BCL2L11: variants seen among roughly 807,000 people sequenced by gnomAD.
BCL2L11 encodes the protein bcl-2-like protein 11.
A neutral mutation model predicts 20.6 loss-of-function variants in BCL2L11; 15 were observed. The ratio of observed to expected loss-of-function variants is 0.73; its 90% CI spans 0.49 to 1.12. The LOEUF (loss-of-function observed/expected upper bound fraction) is 1.12, where lower values mean the gene tolerates loss of function less well. Among genes scored for constraint, BCL2L11 ranks in the 50% most tolerant of loss-of-function variants. BCL2L11 has a pLI of 0.00. For missense variants in BCL2L11, 292 were observed against 260.9 expected (o/e 1.12, Z -0.82); for synonymous variants, 108 against 92.8 (o/e 1.16, Z -0.94).
chr2:111,135,770 T>C (rs75220216), intron 2 of BCL2L11, among the ~76,000 whole-genome samples: 2,797 of 152,258 alleles, frequency 0.018, 107 homozygotes, highest in African/African-American at 0.064. Flanking sequence ...TGTAATGTCA[T>C]GTCAACTAAC....
At chr2:111,147,209 A>T (rs2076633020) in intron 2 of BCL2L11, among the ~76,000 whole-genome samples, 1 of 152,162 alleles carries the variant, frequency 6.6e-6, no homozygotes, top group South Asian at 2.1e-4. Context: ...AATGCTAAAG[A>T]CACATCTCAG....
At chr2:111,151,839 A>T in intron 3 of BCL2L11, 1 of 1,549,410 alleles carries the variant, frequency 6.5e-7, no homozygotes, top group Non-Finnish European at 8.7e-7. Context: ...AACTCCTGGC[A>T]TCCTCCACCT....
chr2:111,144,666 C>T, intron 2 of BCL2L11: 1 of 1,114,950 alleles, frequency 9.0e-7, no homozygotes, highest in Admixed American at 2.7e-5. Flanking sequence ...TGGAATTTTT[C>T]TTTCTCTAAA....
At chr2:111,144,402 G>C in intron 2 of BCL2L11, 1 of 1,413,236 alleles carries the variant, frequency 7.1e-7, no homozygotes. Context: ...TTATTTCTGA[G>C]AACCGTCAGA....
At chr2:111,128,577 C>T (rs1004289825) in intron 2 of BCL2L11, 1 of 1,474,478 alleles carries the variant, frequency 6.8e-7, no homozygotes, top group Non-Finnish European at 8.9e-7. Flanking sequence ...CACAAGGGTT[C>T]CAGTTTCTCC....
intron 2 of BCL2L11, among the ~76,000 whole-genome samples, chr2:111,127,419 CTTTT>C (rs774187139): frequency 8.0e-6 from 1 of 125,068 alleles, no homozygotes; most frequent in Admixed American, 8.1e-5. Context: ...TAATGGCTTT[CTTTT>C]TTTTTTTTTT....
intron 3 of BCL2L11, among the ~76,000 whole-genome samples, chr2:111,155,275 CT>C (rs1431281245): frequency 6.6e-6 from 1 of 152,196 alleles, no homozygotes; most frequent in Non-Finnish European, 1.5e-5. Flanking sequence ...CCTTCTCTTC[CT>C]GGTGAGTGTG....
intron 2 of BCL2L11, among the ~76,000 whole-genome samples, chr2:111,139,459 C>T (rs895433601): frequency 5.3e-5 from 8 of 152,166 alleles, no homozygotes; most frequent in South Asian, 4.1e-4. Context: ...ATTGGTTGCT[C>T]GTGGATTTAA....
chr2:111,164,327 G>A lies in BCL2L11; in HGVS notation c.*96G>A. The A allele has an allele frequency of 1.1e-6, 1 of 910,254 alleles. No homozygotes were observed. Among genetic ancestry groups the A allele is most frequent in the East Asian group, 2.5e-5 (1 of 40,630 alleles). 56.4% of individuals were successfully genotyped at this position (910,254 alleles called of 1,614,324 possible). A position where few individuals can be genotyped will look rare whatever the true frequency, so the allele number is the denominator to read the frequency against. Reference sequence around the variant, plus strand: ...GGTCTCCTGGTGCCATTATTATGCAGCCAGCGGTTCTCTTGTGGAGGGGGC... The same window carrying A: ...GGTCTCCTGGTGCCATTATTATGCAACCAGCGGTTCTCTTGTGGAGGGGGC... On this transcript the variant is annotated 3_prime_UTR_variant, in exon 4 of 4. Coordinates refer to ENST00000393256, the MANE Select transcript of BCL2L11 (RefSeq NM_138621.5).
At chr2:111,151,217 T>C (rs1437908101) in intron 3 of BCL2L11, among the ~76,000 whole-genome samples, 1 of 152,232 alleles carries the variant, frequency 6.6e-6, no homozygotes, top group African/African-American at 2.4e-5. Context: ...GGAGACATTT[T>C]TAAATGTGTA....
At chr2:111,150,282 CA>C (rs2077093859) in intron 3 of BCL2L11, 135 bp downstream of exon 3, 2 of 1,479,260 alleles carry the variant, frequency 1.4e-6, no homozygotes, top group Non-Finnish European at 1.8e-6. Context: ...TGTGACCTTT[CA>C]TTGTTTCTCC....
chr2:111,122,733 G>C, intron 1 of BCL2L11: 1 of 984,152 alleles, frequency 1.0e-6, no homozygotes, highest in Non-Finnish European at 1.2e-6. Flanking sequence ...GGCGGAGCGC[G>C]GCGGCGGGCT....
At chr2:111,147,313 G>T (rs1019874294) in intron 2 of BCL2L11, among the ~76,000 whole-genome samples, 1 of 142,462 alleles carries the variant, frequency 7.0e-6, no homozygotes, top group Non-Finnish European at 1.5e-5. Context: ...ACTTGAAAGA[G>T]TACAGCCTCC....
At chr2:111,123,099 GAGA>G in intron 1 of BCL2L11, 3 of 979,546 alleles carry the variant, frequency 3.1e-6, no homozygotes, top group Non-Finnish European at 3.6e-6. Context: ...GTGCACCTCA[GAGA>G]AGTTCTGTCT....
At chr2:111,153,356 A>G (rs1017071043) in intron 3 of BCL2L11, among the ~76,000 whole-genome samples, 9 of 152,148 alleles carry the variant, frequency 5.9e-5, no homozygotes, top group African/African-American at 2.2e-4. Flanking sequence ...TCTAGCCTCC[A>G]CAAGAGCGAA....
At chr2:111,131,753 G>A (rs2150327852) in intron 2 of BCL2L11, 1 of 152,216 alleles carries the variant, frequency 6.6e-6, no homozygotes, top group East Asian at 1.9e-4. Flanking sequence ...ATCTCGGGCA[G>A]CCTCAAGATG....
intron 3 of BCL2L11, among the ~76,000 whole-genome samples, chr2:111,158,806 C>A (rs76774387): frequency 0.04 from 6,079 of 152,310 alleles, 177 homozygotes; most frequent in Non-Finnish European, 0.058. Context: ...CTGTGGCTCT[C>A]TTACAGCACA....
At chr2:111,134,528 T>C (rs920403204) in intron 2 of BCL2L11, among the ~76,000 whole-genome samples, 6 of 152,338 alleles carry the variant, frequency 3.9e-5, no homozygotes, top group Admixed American at 2.0e-4. Context: ...AATGAGTTGG[T>C]ATTGTTATTT....
At chr2:111,161,618 C>A in intron 3 of BCL2L11, 2 of 1,477,690 alleles carry the variant, frequency 1.4e-6, no homozygotes, top group South Asian at 1.3e-5. Flanking sequence ...CAGCTCCTGG[C>A]TCAGTCTTAG....
Sources: gnomAD v4.1 joint callset for allele counts (sites outside exome capture counted in the v4.1 genomes callset) on GRCh38, gnomAD v4.1.1 for gene constraint, MANE v1.5 for transcripts, NCBI Gene and HGNC (gene_info 2026-07-23, HGNC 2026-07-21) for gene names.